Variants in LMTK2 observed in about 807,000 individuals in gnomAD.
LMTK2 encodes lemur tail kinase 2.
Under a neutral mutation model 127.5 loss-of-function variants are expected in LMTK2, and 37 were observed. That is an observed-to-expected ratio of 0.29 (90% CI 0.22 to 0.38). The LOEUF is 0.38. LMTK2 is among the 10% of genes least tolerant of loss of function. The probability of loss-of-function intolerance (pLI) is 1.00; values close to 1 mark genes in which losing one functional copy is unlikely to be tolerated. For synonymous variants in LMTK2, 819 were observed against 810.1 expected, an observed-to-expected ratio of 1.01 and a Z score of -0.19; for missense variants, 1,694 against 1,920.3, an observed-to-expected ratio of 0.88 and a Z score of 2.20.
At chr7:98,185,754 G>A (rs1310684187) in intron 8 of LMTK2, among the ~76,000 whole-genome samples, 1 of 150,054 alleles carries the variant, frequency 6.7e-6, no homozygotes, top group African/African-American at 2.5e-5. Context: ...TTTAAACGGA[G>A]TCTTGCTATA....
intron 7 of LMTK2, among the ~76,000 whole-genome samples, chr7:98,177,190 G>A (rs1797290772): frequency 1.3e-5 from 2 of 152,322 alleles, no homozygotes; most frequent in African/African-American, 2.4e-5. Flanking sequence ...AGAATTTGTT[G>A]TGGCTTTTTA....
chr7:98,144,375 G>A (rs1039843916), intron 3 of LMTK2, among the ~76,000 whole-genome samples: 13 of 151,524 alleles, frequency 8.6e-5, no homozygotes, highest in African/African-American at 2.9e-4. Context: ...GGAGCTTGCA[G>A]TGAGCCAATA....
intron 1 of LMTK2, among the ~76,000 whole-genome samples, chr7:98,125,901 C>T (rs919072404): frequency 2.6e-5 from 4 of 152,194 alleles, no homozygotes; most frequent in East Asian, 1.9e-4. Context: ...TCCCCATACC[C>T]GGGCCCAGCC....
Position 98,150,212 on chromosome 7 carries a change from G to A in LMTK2, c.377-1170G>A, listed in dbSNP as rs566726665. Among the ~76,000 whole-genome samples the A allele has an allele frequency of 6.7e-4, 102 of 152,022 alleles. 1 individual carries two copies. Among genetic ancestry groups the A allele is most frequent in the African/African-American group, 2.4e-3 (100 of 41,472 alleles). Reference sequence around the variant, plus strand: ...AGTCCCAGCTACTCGGGAGGCTGAGGCGGGAGAATCACTTGAACCCGGGAG... The same window carrying A: ...AGTCCCAGCTACTCGGGAGGCTGAGACGGGAGAATCACTTGAACCCGGGAG... On this transcript the variant is annotated intron_variant, in intron 3 of 13. Transcript: ENST00000297293.
rs573697227 is a variant in LMTK2 at position 98,144,040 on chromosome 7, C to T, written c.376+2499C>T. ...CCACATACAAGCAATTCTACAAGTTCTACCATTTTTTTCTTTTTTTCTATT... is the reference window on the plus strand; with the variant it reads ...CCACATACAAGCAATTCTACAAGTTTTACCATTTTTTTCTTTTTTTCTATT... On this transcript the variant is annotated intron_variant, in intron 3 of 13. Coordinates refer to ENST00000297293, the MANE Select transcript of LMTK2 (RefSeq NM_014916.4). Among the ~76,000 whole-genome samples, 10 of 152,228 alleles carry T rather than the reference C, an allele frequency of 6.6e-5. No individual in the cohort carries two copies. The South Asian group carries it at 2.1e-3, about 32-fold the overall frequency.
rs933320440 is a variant in LMTK2 at position 98,154,748 on chromosome 7, T to G, written c.451-10T>G. ...TGGAAATGACACAAAAAACTGTTCT[T>G]TGATTTTAGGTTCTCTTGGGAGAGA... On this transcript the variant is annotated splice_polypyrimidine_tract_variant and intron_variant, in intron 4 of 13. Coordinates refer to ENST00000297293, the MANE Select transcript of LMTK2 (RefSeq NM_014916.4). 1.9e-6 allele frequency: 3 copies of G among 1,564,472 alleles called. No individual in the cohort carries two copies. In the African/African-American group the frequency reaches 4.1e-5, roughly 21 times the overall value.
chr7:98,144,121 A>G (rs948219215), intron 3 of LMTK2, among the ~76,000 whole-genome samples: 1 of 152,160 alleles, frequency 6.6e-6, no homozygotes. Flanking sequence ...TTCAAAAACC[A>G]TAACATTACA....
chr7:98,132,470 C>G (rs921439764), intron 1 of LMTK2, among the ~76,000 whole-genome samples: 3 of 152,148 alleles, frequency 2.0e-5, no homozygotes, highest in African/African-American at 7.2e-5. Flanking sequence ...AGGATGGTCT[C>G]AATCTCCTGA....
chr7:98,142,144 T>G (rs1368761605), intron 3 of LMTK2, among the ~76,000 whole-genome samples: 1 of 152,212 alleles, frequency 6.6e-6, no homozygotes, highest in East Asian at 1.9e-4. Flanking sequence ...TTAAAAAATA[T>G]TTTAAGCTTT....
At chr7:98,177,147 A>G (rs1797290399) in intron 7 of LMTK2, among the ~76,000 whole-genome samples, 1 of 152,338 alleles carries the variant, frequency 6.6e-6, no homozygotes, top group African/African-American at 2.4e-5. Context: ...AAAAACCAAG[A>G]AACTGTGCTT....
At chr7:98,151,216 TTTAAAGCCTAAAACTGTTTTGGCA>T (rs1562906367) in intron 3 of LMTK2, among the ~76,000 whole-genome samples, 142 bp from the exon 4 acceptor site, 2 of 152,208 alleles carry the variant, frequency 1.3e-5, no homozygotes, top group African/African-American at 4.8e-5. Flanking sequence ...TATTGTCAGT[TTTAAAGCCTAAAACTGTTTTGGCA>T]TGATTCGTTT....
At position 98,185,075 on chromosome 7, in the gene LMTK2, T is replaced by C. The variant is rs1248839565; in HGVS notation, c.816T>C (p.Phe272=). 1 of 1,612,824 alleles carries C rather than the reference T, an allele frequency of 6.2e-7. No individual in the cohort carries two copies. Among genetic ancestry groups the C allele is most frequent in the Non-Finnish European group, 8.5e-7 (1 of 1,179,028 alleles). ...GTGATTTAGCCCTGCGGAATTGTTT[T>C]CTCACCTCCGACTTAAATGTGAAAG... ...LHSDLALRNC[F]LTSDLNVKVG... The change falls in exon 8 of 14, where the codon TTT becomes TTC. Residue 272 remains phenylalanine, a synonymous_variant. Coordinates refer to ENST00000297293, the MANE Select transcript of LMTK2 (RefSeq NM_014916.4).
At chr7:98,186,385 C>T (rs575794186) in intron 8 of LMTK2, among the ~76,000 whole-genome samples, 7 of 152,046 alleles carry the variant, frequency 4.6e-5, no homozygotes, top group Non-Finnish European at 8.8e-5. Flanking sequence ...TAATCCTCAC[C>T]GCAGAGGGGA....
chr7:98,128,894 G>A (rs1796480426), intron 1 of LMTK2, among the ~76,000 whole-genome samples: 1 of 152,168 alleles, frequency 6.6e-6, no homozygotes. Context: ...AAACACCTTA[G>A]TTAGGCAGCT....
chr7:98,108,157 A>G (rs1458363226), intron 1 of LMTK2, among the ~76,000 whole-genome samples: 3 of 152,202 alleles, frequency 2.0e-5, no homozygotes, highest in African/African-American at 4.8e-5. Flanking sequence ...ACCTTAAAGA[A>G]AATTTAGACC....
intron 7 of LMTK2, among the ~76,000 whole-genome samples, chr7:98,173,447 T>C (rs1584279739): frequency 6.6e-6 from 1 of 152,318 alleles, no homozygotes; most frequent in East Asian, 1.9e-4. Context: ...GGCTGTTATC[T>C]AGCATAATTT....
chr7:98,134,442 C>T (rs758046195), intron 1 of LMTK2, among the ~76,000 whole-genome samples: 18 of 152,128 alleles, frequency 1.2e-4, no homozygotes, highest in Admixed American at 2.6e-4. Flanking sequence ...AAACAGTGTA[C>T]GTGAAAGCGC....
At chr7:98,108,334 A>G (rs966091410) in intron 1 of LMTK2, among the ~76,000 whole-genome samples, 6 of 152,206 alleles carry the variant, frequency 3.9e-5, no homozygotes, top group Non-Finnish European at 8.8e-5. Context: ...CTCGAGGTCA[A>G]GAGTTATTTT....
At chr7:98,170,782 C>T (rs535546371) in intron 6 of LMTK2, among the ~76,000 whole-genome samples, 142 of 152,166 alleles carry the variant, frequency 9.3e-4, no homozygotes, top group Non-Finnish European at 1.7e-3. Flanking sequence ...ACATAGTATC[C>T]TAAATGAAAA....
Sources: gnomAD v4.1 joint callset for allele counts (sites outside exome capture counted in the v4.1 genomes callset) on GRCh38, gnomAD v4.1.1 for gene constraint, MANE v1.5 for transcripts, NCBI Gene and HGNC (gene_info 2026-07-23, HGNC 2026-07-21) for gene names.